CTNND2: variants seen among roughly 807,000 people sequenced by gnomAD.
CTNND2 encodes catenin delta-2.
Under a neutral mutation model 144.4 loss-of-function variants are expected in CTNND2, and 22 were observed. That is an observed-to-expected ratio of 0.15 (90% CI 0.11 to 0.22). The LOEUF is 0.22. CTNND2 is among the 10% of genes least tolerant of loss of function. The pLI is 1.00. For missense variants in CTNND2, 1,353 were observed against 1,618.8 expected (o/e 0.84, Z 2.82); for synonymous variants, 751 against 695.6 (o/e 1.08, Z -1.25).
At chr5:11,600,448 G>A (rs1779726879) in intron 2 of CTNND2, among the ~76,000 whole-genome samples, 1 of 152,106 alleles carries the variant, frequency 6.6e-6, no homozygotes, top group African/African-American at 2.4e-5. Flanking sequence ...GCTCACGCCT[G>A]TAATCCCAGC....
intron 2 of CTNND2, among the ~76,000 whole-genome samples, chr5:11,672,864 C>T (rs751689965): frequency 6.6e-6 from 1 of 152,108 alleles, no homozygotes; most frequent in African/African-American, 2.4e-5. Context: ...GAAGGGAAAT[C>T]CCCTGACCCC....
chr5:11,810,799 T>C (rs900426606), intron 1 of CTNND2, among the ~76,000 whole-genome samples: 5 of 152,262 alleles, frequency 3.3e-5, no homozygotes, highest in African/African-American at 1.2e-4. Flanking sequence ...CATACTACTT[T>C]AAATTTGAGC....
At chr5:11,492,467 A>G (rs1769488277) in intron 3 of CTNND2, among the ~76,000 whole-genome samples, 1 of 147,278 alleles carries the variant, frequency 6.8e-6, no homozygotes, top group African/African-American at 2.5e-5. Flanking sequence ...TCTGTGAATG[A>G]TTTTCAGATA....
chr5:11,633,040 G>A (rs1029372774), intron 2 of CTNND2, among the ~76,000 whole-genome samples: 10 of 152,116 alleles, frequency 6.6e-5, no homozygotes, highest in African/African-American at 2.4e-4. Flanking sequence ...TAATGGAAGC[G>A]CCAGAGAGAC....
chr5:11,049,088 TC>T (rs1474599789), intron 16 of CTNND2, among the ~76,000 whole-genome samples: 2 of 152,200 alleles, frequency 1.3e-5, no homozygotes, highest in African/African-American at 4.8e-5. Flanking sequence ...CTCTAGAGAT[TC>T]CGAGGTAAGA....
intron 1 of CTNND2, among the ~76,000 whole-genome samples, chr5:11,753,820 G>A (rs908313510): frequency 6.6e-6 from 1 of 151,682 alleles, no homozygotes; most frequent in Non-Finnish European, 1.5e-5. Context: ...CTGGTTCGCA[G>A]TGTTTTTATT....
At chr5:11,638,611 T>A (rs1781832783) in intron 2 of CTNND2, among the ~76,000 whole-genome samples, 3 of 152,210 alleles carry the variant, frequency 2.0e-5, no homozygotes, top group Admixed American at 2.0e-4. Context: ...TCTTGCTCTG[T>A]CACCCAGGCT....
chr5:11,876,404 A>G (rs1232355249), intron 1 of CTNND2, among the ~76,000 whole-genome samples: 2 of 152,214 alleles, frequency 1.3e-5, no homozygotes, highest in Admixed American at 6.5e-5. Flanking sequence ...ACTTGGGTCA[A>G]AGGTGACTTG....
chr5:11,118,859 C>T (rs1753810362), intron 12 of CTNND2, among the ~76,000 whole-genome samples: 2 of 152,184 alleles, frequency 1.3e-5, no homozygotes, highest in Admixed American at 1.3e-4. Flanking sequence ...CAAGGCCACA[C>T]AGTAAGTGTG....
intron 5 of CTNND2, among the ~76,000 whole-genome samples, chr5:11,406,521 T>C (rs1435075663): frequency 6.6e-6 from 1 of 152,336 alleles, no homozygotes; most frequent in East Asian, 1.9e-4. Context: ...ACACGAATTA[T>C]GAAAACATTC....
At chr5:11,068,942 T>A in intron 16 of CTNND2, among the ~76,000 whole-genome samples, 1 of 151,932 alleles carries the variant, frequency 6.6e-6, no homozygotes. Context: ...AACAAAAAAA[T>A]AAGAATCTGC....
At chr5:11,324,155 C>G (rs1190120123) in intron 9 of CTNND2, among the ~76,000 whole-genome samples, 1 of 152,170 alleles carries the variant, frequency 6.6e-6, no homozygotes, top group Non-Finnish European at 1.5e-5. Context: ...TGGCTTGACT[C>G]CAAACATGCA....
At position 11,410,364 on chromosome 5, in the gene CTNND2, T is replaced by C. The variant is rs957366057; in HGVS notation, c.439+1172A>G. Among the ~76,000 whole-genome samples the C allele has an allele frequency of 2.6e-5, 4 of 152,178 alleles. No homozygotes were observed. The East Asian group carries it at 5.8e-4, about 22-fold the overall frequency. ...TACAAAGATTATAGAGAAAATGAGC[T>C]AATCTGTAAAATAAATGGTTTTCAA... On this transcript the variant is annotated intron_variant, in intron 5 of 21. Coordinates refer to ENST00000304623, the MANE Select transcript of CTNND2 (RefSeq NM_001332.4).
intron 9 of CTNND2, among the ~76,000 whole-genome samples, chr5:11,343,588 G>T (rs1227581344): frequency 6.6e-6 from 1 of 151,956 alleles, no homozygotes; most frequent in African/African-American, 2.4e-5. Context: ...AAATGTTCGT[G>T]CCAACATGTG....
chr5:11,895,434 CCT>C (rs1462939597), intron 1 of CTNND2, among the ~76,000 whole-genome samples: 31 of 152,214 alleles, frequency 2.0e-4, no homozygotes, highest in African/African-American at 7.5e-4. Context: ...TATTGTTTCC[CCT>C]GTGTTATGAC....
chr5:11,386,388 A>G (rs987261490), intron 6 of CTNND2, among the ~76,000 whole-genome samples: 9 of 152,210 alleles, frequency 5.9e-5, no homozygotes, highest in Admixed American at 1.3e-4. Flanking sequence ...CTAGCCATTA[A>G]AAGTTTCAAT....
intron 1 of CTNND2, among the ~76,000 whole-genome samples, chr5:11,863,570 ACCT>A (rs2127031058): frequency 6.6e-6 from 1 of 152,192 alleles, no homozygotes; most frequent in East Asian, 1.9e-4. Flanking sequence ...AAGTGAAAGA[ACCT>A]CCTTTTTAAT....
chr5:11,744,272 T>C (rs1014161168), intron 1 of CTNND2, among the ~76,000 whole-genome samples: 1 of 152,222 alleles, frequency 6.6e-6, no homozygotes, highest in African/African-American at 2.4e-5. Context: ...GGTGAATCAA[T>C]TGCTGCTGCT....
chr5:11,166,509 A>T (rs1013350550), intron 11 of CTNND2, among the ~76,000 whole-genome samples: 1 of 151,448 alleles, frequency 6.6e-6, no homozygotes, highest in East Asian at 1.9e-4. Context: ...TTGGCCTCCC[A>T]AAGTGCTGGG....
Sources: gnomAD v4.1 joint callset for allele counts (sites outside exome capture counted in the v4.1 genomes callset) on GRCh38, gnomAD v4.1.1 for gene constraint, MANE v1.5 for transcripts, NCBI Gene and HGNC (gene_info 2026-07-23, HGNC 2026-07-21) for gene names.